The following EFCAB7 variants were observed in gnomAD, a reference collection of about 807,000 sequenced individuals.
EFCAB7 encodes EF-hand calcium-binding domain-containing protein 7.
Under a neutral mutation model 77.1 loss-of-function variants are expected in EFCAB7, and 66 were observed. The ratio of observed to expected loss-of-function variants is 0.86; its 90% CI spans 0.70 to 1.05. EFCAB7 has a LOEUF of 1.05. EFCAB7 is among the 50% of genes least tolerant of loss of function. The pLI, the probability that EFCAB7 is intolerant of heterozygous loss-of-function variation, is 0.00. For synonymous variants in EFCAB7, 225 were observed against 243.3 expected (o/e 0.92, Z 0.70); for missense variants, 638 against 730.5 (o/e 0.87, Z 1.46).
At chr1:63,568,220 G>C in intron 11 of EFCAB7, 90 bp from the exon 12 acceptor site, 1 of 1,097,264 alleles carries the variant, frequency 9.1e-7, no homozygotes. Context: ...CAAGCTAGAA[G>C]GTATAGCATA....
In EFCAB7 at chr1:63,555,432, G is replaced by A. The variant is rs1647019216; in HGVS notation, c.1131G>A (p.Arg377=). 6.2e-7 allele frequency: 1 copy of A among 1,613,680 alleles called. No homozygotes were observed. Among genetic ancestry groups the A allele is most frequent in the South Asian group, 1.1e-5 (1 of 91,072 alleles). The part of the protein sequence containing the change: ...LIPSTTGCRL[R]KKIKPVTDEA... The stretch of plus-strand genomic sequence containing the variant: ...CTTCCACAACTGGCTGTAGGCTGAG[G>A]AAAAAAATAAAACCAGTAACAGATG... The change falls in exon 9 of 14, where the codon AGG becomes AGA. Residue 377 remains arginine, a synonymous_variant. Transcript: ENST00000371088.
intron 11 of EFCAB7, among the ~76,000 whole-genome samples, chr1:63,566,237 A>G (rs995854271): frequency 4.6e-5 from 7 of 152,238 alleles, no homozygotes; most frequent in African/African-American, 1.4e-4. Flanking sequence ...TTAGCAAACT[A>G]ATGCAGGAAC....
chr1:63,527,033 G>A (rs1026705221), intron 2 of EFCAB7, among the ~76,000 whole-genome samples: 2 of 152,172 alleles, frequency 1.3e-5, no homozygotes, highest in African/African-American at 4.8e-5. Flanking sequence ...CCAAAGTGCT[G>A]GCATTATAGG....
At chr1:63,533,977 G>A in intron 5 of EFCAB7, 118 bp from the exon 6 acceptor site, 2 of 1,130,408 alleles carry the variant, frequency 1.8e-6, no homozygotes, top group African/African-American at 1.6e-5. Flanking sequence ...TATTTCAATA[G>A]GGAGAACAAA....
intron 7 of EFCAB7, among the ~76,000 whole-genome samples, chr1:63,550,855 A>C (rs1646956042): frequency 6.8e-6 from 1 of 147,030 alleles, no homozygotes; most frequent in Non-Finnish European, 1.5e-5. Flanking sequence ...GAGTTAAAGA[A>C]GATTCCAAGA....
intron 2 of EFCAB7, among the ~76,000 whole-genome samples, chr1:63,527,440 T>TACAAC (rs1646613783): frequency 6.9e-6 from 1 of 143,936 alleles, no homozygotes; most frequent in African/African-American, 2.6e-5. Flanking sequence ...TTCTGCCACT[T>TACAAC]ATGTGCATTT....
At chr1:63,555,653 T>C in intron 9 of EFCAB7, 138 bp downstream of exon 9, 1 of 676,298 alleles carries the variant, frequency 1.5e-6, no homozygotes, top group Non-Finnish European at 2.3e-6. Flanking sequence ...GAACAACCTG[T>C]ATGAACTTGG....
intron 10 of EFCAB7, among the ~76,000 whole-genome samples, chr1:63,561,121 GACTT>G (rs1183437146): frequency 1.3e-5 from 2 of 152,202 alleles, no homozygotes; most frequent in African/African-American, 4.8e-5. Context: ...AACAGGCATA[GACTT>G]ACCTGGGAAA....
At chr1:63,559,960 AT>A (rs35445895) in intron 10 of EFCAB7, among the ~76,000 whole-genome samples, 88,065 of 147,968 alleles carry the variant, frequency 0.6, 27,454 homozygotes, top group African/African-American at 0.8. Context: ...AGTGTTAATA[AT>A]TTTTTTTTTT....
chr1:63,581,944 C>T, the EFCAB7 span, among the ~76,000 whole-genome samples: 3,285 of 152,144 alleles, frequency 0.022, 124 homozygotes, highest in African/African-American at 0.075. Context: ...TCGAGACAAA[C>T]GTAAACAAAC....
At chr1:63,567,612 C>T (rs1001756817) in intron 11 of EFCAB7, among the ~76,000 whole-genome samples, 1 of 152,078 alleles carries the variant, frequency 6.6e-6, no homozygotes, top group Non-Finnish European at 1.5e-5. Context: ...GACAAGGTAC[C>T]TATGTGAAAA....
At chr1:63,551,603 C>A in intron 7 of EFCAB7, 122 bp from the exon 8 acceptor site, 30 of 364,022 alleles carry the variant, frequency 8.2e-5, no homozygotes, top group East Asian at 1.6e-4. Flanking sequence ...AAAAAAAAAA[C>A]ATGGAATATG....
intron 2 of EFCAB7, 34 bp from the exon 3 acceptor site, chr1:63,531,786 T>TAA (rs757019543): frequency 6.3e-7 from 1 of 1,585,476 alleles, no homozygotes; most frequent in African/African-American, 1.4e-5. Flanking sequence ...TTCCAGGTGT[T>TAA]ACAATCACAA....
chr1:63,542,850 A>G (rs906986499), intron 6 of EFCAB7, among the ~76,000 whole-genome samples: 16 of 152,158 alleles, frequency 1.1e-4, no homozygotes, highest in African/African-American at 3.9e-4. Flanking sequence ...TATATGCTCT[A>G]TATATTAATC....
downstream of EFCAB7, among the ~76,000 whole-genome samples, chr1:63,574,142 T>TCAG (rs1647344709): frequency 6.6e-6 from 1 of 152,116 alleles, no homozygotes; most frequent in Admixed American, 6.5e-5. Flanking sequence ...TTGCCAGTCC[T>TCAG]GGGCTGGGGC....
chr1:63,533,976 AG>A, intron 5 of EFCAB7, 118 bp from the exon 6 acceptor site: 1 of 1,119,638 alleles, frequency 8.9e-7, no homozygotes, highest in Non-Finnish European at 1.3e-6. Context: ...TTATTTCAAT[AG>A]GGAGAACAAA....
chr1:63,552,975 CTT>C (rs1362461753), intron 8 of EFCAB7, among the ~76,000 whole-genome samples: 7 of 146,776 alleles, frequency 4.8e-5, no homozygotes, highest in Admixed American at 1.3e-4. Flanking sequence ...AAATTACTCT[CTT>C]ATGAGATTGC....
At chr1:63,525,993 A>G (rs1646582591) in intron 2 of EFCAB7, among the ~76,000 whole-genome samples, 1 of 152,134 alleles carries the variant, frequency 6.6e-6, no homozygotes, top group South Asian at 2.1e-4. Flanking sequence ...GCTTCTATCA[A>G]TTACTACTTG....
At chr1:63,569,553 G>A (rs1557690931) in intron 12 of EFCAB7, 1 of 152,200 alleles carries the variant, frequency 6.6e-6, no homozygotes, top group Non-Finnish European at 1.5e-5. Context: ...CTAGGATTTA[G>A]ATATGCAGAC....
Sources: allele counts gnomAD v4.1 joint callset (sites outside exome capture counted in the v4.1 genomes callset), GRCh38; gene constraint gnomAD v4.1.1; transcripts MANE v1.5; gene names NCBI Gene and HGNC (gene_info 2026-07-23, HGNC 2026-07-21).